The following ALG9 variants were observed in gnomAD, a reference collection of about 807,000 sequenced individuals.
ALG9 encodes the protein alpha-1,2-mannosyltransferase ALG9.
A neutral mutation model predicts 81.8 loss-of-function variants in ALG9; 55 were observed. The observed-to-expected ratio is 0.67, with a 90% CI of 0.54 to 0.84. ALG9 has a LOEUF of 0.84. ALG9 is among the 40% of genes least tolerant of loss of function. ALG9 has a pLI of 0.00. For synonymous variants in ALG9, 278 were observed against 274.3 expected, an observed-to-expected ratio of 1.01 and a Z score of -0.13; for missense variants, 629 against 745.0, an observed-to-expected ratio of 0.84 and a Z score of 1.81.
At chr11:111,774,066 T>G in the ALG9 span, among the ~76,000 whole-genome samples, 2 of 122,582 alleles carry the variant, frequency 1.6e-5, no homozygotes, top group African/African-American at 6.5e-5. Flanking sequence ...AGCCATATCT[T>G]ATTAAAAAAA....
Position 111,822,408 on chromosome 11 carries a change from C to CAAAA in ALG9, c.1603-12639_1603-12636dup, listed in dbSNP as rs56367678. On this transcript the variant is annotated intron_variant, in intron 13 of 14. Coordinates refer to ENST00000616540, the MANE Select transcript of ALG9 (RefSeq NM_024740.2). ...TGGGTGACAAAGCACAACTCAGTCT[C>CAAAA]AAAAAAAAAAAAAAAAAAAAAGGCC... Among the ~76,000 whole-genome samples, 95 of 66,402 alleles carry CAAAA rather than the reference C, an allele frequency of 1.4e-3. 2 individuals are homozygous for CAAAA. Among genetic ancestry groups the CAAAA allele is most frequent in the African/African-American group, 4.6e-3 (69 of 14,986 alleles). The allele number at this position is 66,402 out of a possible 152,430, so 43.6% of individuals were successfully genotyped here.
chr11:111,789,142 C>T (rs1249589061), intron 14 of ALG9, among the ~76,000 whole-genome samples: 3 of 151,850 alleles, frequency 2.0e-5, no homozygotes, highest in African/African-American at 7.3e-5. Flanking sequence ...CTCGCCTGTC[C>T]CAGGTTTTTA....
intron 14 of ALG9, among the ~76,000 whole-genome samples, chr11:111,798,622 T>C (rs1172584766): frequency 1.3e-5 from 2 of 152,202 alleles, no homozygotes; most frequent in Non-Finnish European, 2.9e-5. Flanking sequence ...TTAGAAAGTA[T>C]GTAATATGAG....
At chr11:111,860,409 C>T (rs1260688415) in intron 5 of ALG9, 138 bp downstream of exon 5, 4 of 767,998 alleles carry the variant, frequency 5.2e-6, no homozygotes, top group Non-Finnish European at 9.3e-6. Context: ...TTGACATGTT[C>T]TACAAATATA....
intron 14 of ALG9, among the ~76,000 whole-genome samples, chr11:111,801,268 C>CT (rs1949084133): frequency 6.6e-6 from 1 of 152,224 alleles, no homozygotes; most frequent in Non-Finnish European, 1.5e-5. Flanking sequence ...CACACAGGCT[C>CT]TGACAGTACA....
chr11:111,805,729 G>A (rs140583591), intron 14 of ALG9, among the ~76,000 whole-genome samples: 463 of 152,336 alleles, frequency 3.0e-3, no homozygotes, highest in African/African-American at 0.011. Flanking sequence ...GGTAATGGGA[G>A]ACACATGACA....
chr11:111,864,319 G>A, intron 4 of ALG9: 1 of 861,622 alleles, frequency 1.2e-6, no homozygotes, highest in South Asian at 1.3e-5. Context: ...TGGAGGCCAG[G>A]CTCAACTGCA....
At chr11:111,835,594 T>C (rs1241198792) in intron 13 of ALG9, among the ~76,000 whole-genome samples, 1 of 152,234 alleles carries the variant, frequency 6.6e-6, no homozygotes, top group African/African-American at 2.4e-5. Flanking sequence ...TTCAGAATAA[T>C]GGTTCAAACT....
intron 13 of ALG9, among the ~76,000 whole-genome samples, chr11:111,824,546 T>C (rs1952919449): frequency 6.6e-6 from 1 of 152,216 alleles, no homozygotes; most frequent in African/African-American, 2.4e-5. Flanking sequence ...GCCAATAGAA[T>C]AAAGCCATTA....
chr11:111,768,210 C>T, the ALG9 span, among the ~76,000 whole-genome samples: 1 of 152,164 alleles, frequency 6.6e-6, no homozygotes, highest in South Asian at 2.1e-4. Context: ...GTGGCATAGG[C>T]ATGTTGAACA....
intron 13 of ALG9, among the ~76,000 whole-genome samples, chr11:111,826,803 C>T (rs1384100775): frequency 3.3e-5 from 5 of 152,136 alleles, no homozygotes; most frequent in East Asian, 3.9e-4. Flanking sequence ...TCCTCTCCTC[C>T]GTCTCATCTG....
At chr11:111,790,164 T>C (rs1478341567) in intron 14 of ALG9, among the ~76,000 whole-genome samples, 1 of 152,126 alleles carries the variant, frequency 6.6e-6, no homozygotes, top group Non-Finnish European at 1.5e-5. Context: ...AAACCCTGTC[T>C]CTACTAAAAA....
chr11:111,834,351 T>C (rs1565951121), intron 13 of ALG9, among the ~76,000 whole-genome samples: 1 of 152,054 alleles, frequency 6.6e-6, no homozygotes, highest in Non-Finnish European at 1.5e-5. Flanking sequence ...GACACTGGAA[T>C]AAAATTACAA....
At position 111,794,758 on chromosome 11, in the gene ALG9, G is replaced by A. The variant is rs140884398; in HGVS notation, c.1734-8238C>T. Among the ~76,000 whole-genome samples the A allele has an allele frequency of 5.8e-4, 89 of 152,150 alleles. 1 individual carries two copies. The highest frequency in any genetic ancestry group is 3.4e-3 in the Middle Eastern group (1 of 294). ...CCCACTGCCAGTTATCTTTCCAGCC[G>A]CAGCTTTTTCAAGCTAGTTTCTTTC... On this transcript the variant is annotated intron_variant, in intron 14 of 14. Coordinates refer to ENST00000616540, the MANE Select transcript of ALG9 (RefSeq NM_024740.2).
chr11:111,792,626 C>T (rs1375132575), intron 14 of ALG9, among the ~76,000 whole-genome samples: 1 of 152,166 alleles, frequency 6.6e-6, no homozygotes, highest in Non-Finnish European at 1.5e-5. Context: ...ATTTGCCAAG[C>T]TCCCTCAGTG....
chr11:111,840,534 G>T, intron 10 of ALG9, 121 bp downstream of exon 10: 3 of 1,185,694 alleles, frequency 2.5e-6, no homozygotes, highest in Admixed American at 1.8e-5. Flanking sequence ...TCTATATCAG[G>T]TTTAATGTTA....
At chr11:111,788,452 A>T (rs1216189625) in intron 14 of ALG9, 2 of 454,102 alleles carry the variant, frequency 4.4e-6, no homozygotes, top group Non-Finnish European at 8.8e-6. Context: ...CCAGTCAAGG[A>T]GAAGTTAATG....
chr11:111,836,488 A>G (rs1328069204), intron 12 of ALG9, among the ~76,000 whole-genome samples, 194 bp from the exon 13 acceptor site: 1 of 152,256 alleles, frequency 6.6e-6, no homozygotes, highest in Non-Finnish European at 1.5e-5. Context: ...ATTTATAATT[A>G]GATGTCTCTT....
intron 8 of ALG9, among the ~76,000 whole-genome samples, chr11:111,846,774 A>G (rs1414467509): frequency 3.3e-5 from 5 of 152,228 alleles, no homozygotes; most frequent in Non-Finnish European, 7.3e-5. Flanking sequence ...CATCTGCCTT[A>G]GGAAAGCAAA....
Sources: allele counts gnomAD v4.1 joint callset (sites outside exome capture counted in the v4.1 genomes callset), GRCh38; gene constraint gnomAD v4.1.1; transcripts MANE v1.5; gene names NCBI Gene and HGNC (gene_info 2026-07-23, HGNC 2026-07-21).